Variants in BCKDHB observed in about 807,000 individuals in gnomAD.
The protein encoded by BCKDHB is branched chain keto acid dehydrogenase E1 subunit beta.
Under a neutral mutation model 48.5 loss-of-function variants are expected in BCKDHB, and 41 were observed. The ratio of observed to expected loss-of-function variants is 0.85; its 90% CI spans 0.66 to 1.10. The LOEUF is 1.10. Ranked by LOEUF, BCKDHB falls within the 50% of genes least tolerant of loss-of-function variation. The probability of loss-of-function intolerance (pLI) is 0.00; values close to 1 mark genes in which losing one functional copy is unlikely to be tolerated. For synonymous variants in BCKDHB, 201 were observed against 174.8 expected, an observed-to-expected ratio of 1.15 and a Z score of -1.18; for missense variants, 496 against 494.2, an observed-to-expected ratio of 1.00 and a Z score of -0.03.
intron 6 of BCKDHB, 84 bp from the exon 7 acceptor site, chr6:80,200,850 T>C: frequency 1.8e-6 from 2 of 1,084,304 alleles, no homozygotes; most frequent in Non-Finnish European, 2.8e-6. Context: ...AAAGCTTTGC[T>C]ACAGTGAGCT....
chr6:80,172,426 G>A (rs1407906740), intron 6 of BCKDHB, among the ~76,000 whole-genome samples: 1 of 151,806 alleles, frequency 6.6e-6, no homozygotes, highest in Non-Finnish European at 1.5e-5. Flanking sequence ...TACATCATAC[G>A]AATATTCATT....
chr6:80,305,624 T>C (rs1767834813), intron 9 of BCKDHB, among the ~76,000 whole-genome samples: 1 of 152,082 alleles, frequency 6.6e-6, no homozygotes, highest in Non-Finnish European at 1.5e-5. Flanking sequence ...ATAACCAAGA[T>C]ACTCCAAAGA....
chr6:80,156,824 G>A (rs764795828), intron 3 of BCKDHB, among the ~76,000 whole-genome samples: 1 of 152,134 alleles, frequency 6.6e-6, no homozygotes, highest in African/African-American at 2.4e-5. Context: ...AGCTTTGTTG[G>A]TGTTGACATT....
intron 1 of BCKDHB, among the ~76,000 whole-genome samples, chr6:80,112,895 CT>C (rs1237957742): frequency 2.6e-5 from 4 of 152,212 alleles, no homozygotes. Flanking sequence ...GGATGAAAGC[CT>C]CAACTTCTAG....
chr6:80,441,640 GC>G, the BCKDHB span, among the ~76,000 whole-genome samples: 2 of 152,048 alleles, frequency 1.3e-5, no homozygotes, highest in East Asian at 1.9e-4. Flanking sequence ...GTTCCTCAGT[GC>G]TTTTTTGCAG....
At chr6:80,274,779 T>G (rs972262856) in intron 9 of BCKDHB, among the ~76,000 whole-genome samples, 1 of 152,058 alleles carries the variant, frequency 6.6e-6, no homozygotes, top group African/African-American at 2.4e-5. Flanking sequence ...AGACTGCAAT[T>G]TAATACAACA....
chr6:80,200,934 CG>C lies in BCKDHB; in HGVS notation c.745del (p.Glu249LysfsTer5). ...TTTTTTTTTCCTGTTCTGTATTTAG[CG>C]GAAGAAGTCCCTATAGAACCATACA... ...FEPKILYRAAAEEVPIEPYNI... is the reference protein window; with the variant it reads ...FEPKILYRAAXEEVPIEPYNI... On this transcript the variant is annotated frameshift_variant and splice_region_variant, in exon 7 of 10. Transcript: ENST00000320393. LOFTEE classifies it high-confidence loss of function. 6.2e-7 allele frequency: 1 copy of C among 1,601,490 alleles called. No individual in the cohort carries two copies. The highest frequency in any genetic ancestry group is 8.5e-7 in the Non-Finnish European group (1 of 1,170,142).
At chr6:80,432,516 G>A in the BCKDHB span, among the ~76,000 whole-genome samples, 1 of 152,108 alleles carries the variant, frequency 6.6e-6, no homozygotes, top group East Asian at 1.9e-4. Flanking sequence ...CTCGTGCTGT[G>A]TTTTTCGGCT....
At position 80,191,348 on chromosome 6, in the gene BCKDHB, A is replaced by T. The variant is rs188601381; in HGVS notation, c.743-9586A>T. Reference sequence around the variant, plus strand: ...GACTTTTTCTGTCTCCTCTGCATTTAGGAAGTCAGTGGACACAGCTAGTGC... The same window carrying T: ...GACTTTTTCTGTCTCCTCTGCATTTTGGAAGTCAGTGGACACAGCTAGTGC... On this transcript the variant is annotated intron_variant, in intron 6 of 9. Coordinates refer to ENST00000320393, the MANE Select transcript of BCKDHB (RefSeq NM_183050.4). Among the ~76,000 whole-genome samples, 1,073 of 152,256 alleles carry T rather than the reference A, an allele frequency of 7.0e-3. 9 individuals are homozygous for T. The highest frequency in any genetic ancestry group is 0.028 in the South Asian group (136 of 4,818).
At chr6:80,306,497 A>G (rs777864812) in intron 9 of BCKDHB, among the ~76,000 whole-genome samples, 1 of 152,220 alleles carries the variant, frequency 6.6e-6, no homozygotes, top group Non-Finnish European at 1.5e-5. Flanking sequence ...TAAAGAATAT[A>G]GGATTTTCTC....
At chr6:80,221,310 C>T (rs1301433278) in intron 8 of BCKDHB, among the ~76,000 whole-genome samples, 1 of 152,150 alleles carries the variant, frequency 6.6e-6, no homozygotes, top group Non-Finnish European at 1.5e-5. Flanking sequence ...CTAATAATCA[C>T]TACCCCTTCC....
At chr6:80,296,347 C>T (rs1367860190) in intron 9 of BCKDHB, among the ~76,000 whole-genome samples, 1 of 152,118 alleles carries the variant, frequency 6.6e-6, no homozygotes, top group East Asian at 1.9e-4. Flanking sequence ...ATTTGGTTAC[C>T]TCTGTGGCAT....
At position 80,345,765 on chromosome 6, in the gene BCKDHB, G is replaced by A. The variant is rs934523609; in HGVS notation, c.*1961G>A. ...AATAAAGAGCCAAGGTAGTGATGGT[G>A]GCCACGTGCCTCGTTGCTATTTTTA... On this transcript the variant is annotated 3_prime_UTR_variant, in exon 10 of 10. Transcript: ENST00000320393. 1 of 152,158 alleles carries A rather than the reference G, an allele frequency of 6.6e-6. No homozygotes were observed. The highest frequency in any genetic ancestry group is 2.4e-5 in the African/African-American group (1 of 41,428). The allele number at this position is 152,158 out of a possible 1,614,324, so 9.4% of individuals were successfully genotyped here.
chr6:80,302,253 A>G (rs1275315068), intron 9 of BCKDHB, among the ~76,000 whole-genome samples: 3 of 152,208 alleles, frequency 2.0e-5, no homozygotes, highest in Admixed American at 2.0e-4. Flanking sequence ...AGAAAACCCT[A>G]CAGACTCTGC....
intron 9 of BCKDHB, among the ~76,000 whole-genome samples, chr6:80,280,433 C>T (rs1445829125): frequency 6.6e-6 from 1 of 152,082 alleles, no homozygotes; most frequent in Non-Finnish European, 1.5e-5. Flanking sequence ...TGGAGAATTG[C>T]TAAAAAGCTA....
intron 3 of BCKDHB, among the ~76,000 whole-genome samples, chr6:80,131,383 C>T (rs1215306702): frequency 6.6e-6 from 1 of 152,198 alleles, no homozygotes; most frequent in African/African-American, 2.4e-5. Flanking sequence ...CTAAGCCAGA[C>T]ACTGGGGAAA....
intron 9 of BCKDHB, among the ~76,000 whole-genome samples, chr6:80,310,226 C>T (rs914204758): frequency 2.0e-5 from 3 of 152,090 alleles, no homozygotes; most frequent in Admixed American, 6.6e-5. Flanking sequence ...CATCTATTAG[C>T]TATTCTTCTT....
chr6:80,416,479 A>ACTTT, the BCKDHB span, among the ~76,000 whole-genome samples: 1 of 152,016 alleles, frequency 6.6e-6, no homozygotes, highest in East Asian at 1.9e-4. Flanking sequence ...GTACTTTGTA[A>ACTTT]CTTTGTTCTC....
In BCKDHB at chr6:80,157,066, G is replaced by A. The variant is rs534820380; in HGVS notation, c.344-10612G>A. Among the ~76,000 whole-genome samples, 185 of 152,172 alleles carry A rather than the reference G, an allele frequency of 1.2e-3. 2 individuals are homozygous for A. Among genetic ancestry groups the A allele is most frequent in the Non-Finnish European group, 2.3e-3 (155 of 68,016 alleles). The stretch of plus-strand genomic sequence containing the variant: ...TTTTCCCTTAAAAGTTGTATATCTA[G>A]TACTTGGTTTGAGAAACCTCAGTCT... On this transcript the variant is annotated intron_variant, in intron 3 of 9. Transcript: ENST00000320393.
Sources: allele counts gnomAD v4.1 joint callset (sites outside exome capture counted in the v4.1 genomes callset), GRCh38; gene constraint gnomAD v4.1.1; transcripts MANE v1.5; gene names NCBI Gene and HGNC (gene_info 2026-07-23, HGNC 2026-07-21).